The following CPE variants were observed in gnomAD, a reference collection of about 807,000 sequenced individuals.
The protein encoded by CPE is carbocypeptidase E.
In CPE, 17 loss-of-function variants were observed where a neutral mutation model predicts 53.5. The observed-to-expected ratio is 0.32, with a 90% confidence interval of 0.22 to 0.48. CPE has a LOEUF of 0.48. CPE is among the 20% of genes least tolerant of loss of function. The pLI is 0.99. For missense variants in CPE, 524 were observed against 614.7 expected (o/e 0.85, Z 1.56); for synonymous variants, 226 against 228.8 (o/e 0.99, Z 0.11).
chr4:165,413,197 C>T, intron 1 of CPE, among the ~76,000 whole-genome samples: 1 of 152,166 alleles, frequency 6.6e-6, no homozygotes, highest in East Asian at 1.9e-4. Context: ...AGTGGCTATT[C>T]TTGTCCCTTC....
chr4:165,432,940 G>A lies in CPE; in HGVS notation c.308-31450G>A, dbSNP rs567450605. ...TTCACTGCTTTCCACGACCTCCACC[G>A]CCAACCTAGTCCAAGCCAACAGCCT... On this transcript the variant is annotated intron_variant, in intron 1 of 8. Coordinates refer to ENST00000402744, the MANE Select transcript of CPE (RefSeq NM_001873.4). 2.4e-4 allele frequency among the ~76,000 whole-genome samples: 36 copies of A among 152,178 alleles called. No homozygotes were observed. The South Asian group carries it at 7.1e-3, about 30-fold the overall frequency.
chr4:165,387,637 C>T (rs1398301107), intron 1 of CPE, among the ~76,000 whole-genome samples: 1 of 152,012 alleles, frequency 6.6e-6, no homozygotes, highest in Non-Finnish European at 1.5e-5. Flanking sequence ...GGTGAAACCC[C>T]GTCTCTACTA....
Position 165,482,767 on chromosome 4 carries a change from G to A in CPE, c.790+408G>A, listed in dbSNP as rs997245443. Among the ~76,000 whole-genome samples, 141 of 152,282 alleles carry A rather than the reference G, an allele frequency of 9.3e-4. 1 individual carries two copies. The highest frequency in any genetic ancestry group is 1.9e-4 in the Non-Finnish European group (13 of 68,026). Reference sequence around the variant, plus strand: ...AGGATCCCTGTGGATCTCTACATGTGTCTTATTGTGTTGACACAGTTTTGC... The same window carrying A: ...AGGATCCCTGTGGATCTCTACATGTATCTTATTGTGTTGACACAGTTTTGC... On this transcript the variant is annotated intron_variant, in intron 4 of 8. Coordinates refer to ENST00000402744, the MANE Select transcript of CPE (RefSeq NM_001873.4).
At chr4:165,433,658 C>T (rs909727998) in intron 1 of CPE, among the ~76,000 whole-genome samples, 6 of 152,196 alleles carry the variant, frequency 3.9e-5, no homozygotes, top group Admixed American at 6.5e-5. Context: ...CATAAAGAAA[C>T]AGGCGTGGCG....
At chr4:165,393,751 A>G (rs1730719938) in intron 1 of CPE, among the ~76,000 whole-genome samples, 1 of 152,200 alleles carries the variant, frequency 6.6e-6, no homozygotes, top group South Asian at 2.1e-4. Context: ...CTTATCAGTT[A>G]TGTTTTCAAA....
At chr4:165,445,203 G>A (rs984749517) in intron 1 of CPE, among the ~76,000 whole-genome samples, 4 of 152,032 alleles carry the variant, frequency 2.6e-5, no homozygotes, top group Non-Finnish European at 2.9e-5. Context: ...TGATCTGCCC[G>A]CCTCGAACTC....
At chr4:165,403,266 T>C (rs761737999) in intron 1 of CPE, among the ~76,000 whole-genome samples, 1 of 152,124 alleles carries the variant, frequency 6.6e-6, no homozygotes, top group Non-Finnish European at 1.5e-5. Context: ...CCACCTGTCA[T>C]TGAAACCAGG....
intron 1 of CPE, among the ~76,000 whole-genome samples, chr4:165,421,285 A>C (rs1731206070): frequency 6.6e-6 from 1 of 152,212 alleles, no homozygotes; most frequent in African/African-American, 2.4e-5. Flanking sequence ...ATGTATTGAA[A>C]GGTATACTTT....
Position 165,379,062 on chromosome 4 carries a change from T to G in CPE, c.-160T>G. ...GCCCGTCTCCTCTGGGTGGCCCCAG[T>G]GCGCGGGCTGACACTCATTCAGCCG... On this transcript the variant is annotated 5_prime_UTR_variant, in exon 1 of 9. Coordinates refer to ENST00000402744, the MANE Select transcript of CPE (RefSeq NM_001873.4). This position sits in a 1 kb window ranked among gnomAD's most constrained non-coding sequence, Gnocchi z 6.0. The G allele has an allele frequency of 1.6e-6, 1 of 607,646 alleles. No individual in the cohort carries two copies. The highest frequency in any genetic ancestry group is 2.3e-6 in the Non-Finnish European group (1 of 431,284). The allele number at this position is 607,646 out of a possible 1,614,324, so 37.6% of individuals were successfully genotyped here. A position where few individuals can be genotyped will look rare whatever the true frequency, so the allele number is the denominator to read the frequency against.
intron 1 of CPE, among the ~76,000 whole-genome samples, chr4:165,383,439 C>T (rs759659184): frequency 2.6e-5 from 4 of 152,160 alleles, no homozygotes; most frequent in Non-Finnish European, 5.9e-5. Flanking sequence ...TGTTCCCAGA[C>T]CACTCGACCC....
chr4:165,484,842 C>A (rs1342041169), intron 5 of CPE, among the ~76,000 whole-genome samples: 2 of 152,132 alleles, frequency 1.3e-5, no homozygotes, highest in Non-Finnish European at 2.9e-5. Flanking sequence ...AGGAAATGAA[C>A]TGAAGACATT....
chr4:165,490,036 T>G (rs1311603451), intron 6 of CPE, among the ~76,000 whole-genome samples: 1 of 152,140 alleles, frequency 6.6e-6, no homozygotes, highest in Non-Finnish European at 1.5e-5. Context: ...GAAAAATCAG[T>G]GAGGGCTGCC....
intron 1 of CPE, among the ~76,000 whole-genome samples, chr4:165,446,012 C>T (rs886437096): frequency 4.6e-5 from 7 of 151,902 alleles, no homozygotes; most frequent in African/African-American, 1.7e-4. Context: ...AGAGGGAAAA[C>T]GATGTTGGTG....
intron 3 of CPE, among the ~76,000 whole-genome samples, chr4:165,481,344 C>T (rs915492223): frequency 6.6e-6 from 1 of 152,088 alleles, no homozygotes; most frequent in Non-Finnish European, 1.5e-5. Context: ...CAGAACTATT[C>T]ATAAACAGAG....
chr4:165,477,241 T>G (rs771059663), intron 3 of CPE, among the ~76,000 whole-genome samples: 2 of 152,220 alleles, frequency 1.3e-5, no homozygotes, highest in Non-Finnish European at 2.9e-5. Context: ...ATTTCTAGCT[T>G]AGGCAATACT....
intron 1 of CPE, among the ~76,000 whole-genome samples, chr4:165,390,662 C>T (rs1405859662): frequency 6.6e-6 from 1 of 152,102 alleles, no homozygotes; most frequent in Non-Finnish European, 1.5e-5. Flanking sequence ...TTCCACTGGT[C>T]AGTGTAGCAT....
At chr4:165,495,273 C>T (rs1732687229) in intron 7 of CPE, among the ~76,000 whole-genome samples, 1 of 152,096 alleles carries the variant, frequency 6.6e-6, no homozygotes, top group South Asian at 2.1e-4. Context: ...TGTCTTTTTA[C>T]CTGTGTTGCT....
intron 1 of CPE, among the ~76,000 whole-genome samples, chr4:165,384,606 A>G (rs1360246397): frequency 6.6e-6 from 1 of 152,212 alleles, no homozygotes; most frequent in Non-Finnish European, 1.5e-5. Context: ...ACAGAGCGAG[A>G]CCCTATCTCA....
chr4:165,426,737 G>A (rs13111122), intron 1 of CPE, among the ~76,000 whole-genome samples: 44,908 of 151,968 alleles, frequency 0.3, 6,713 homozygotes, highest in Middle Eastern at 0.39. Context: ...AATTTGACAC[G>A]GTTAACCCTT....
Sources: gnomAD v4.1 joint callset for allele counts (sites outside exome capture counted in the v4.1 genomes callset) on GRCh38, gnomAD v4.1.1 for gene constraint, Gnocchi (gnomAD v3.1) non-coding constraint, MANE v1.5 for transcripts, NCBI Gene and HGNC (gene_info 2026-07-23, HGNC 2026-07-21) for gene names.